The following FCAMR variants were observed in gnomAD, a reference collection of about 807,000 sequenced individuals.
FCAMR encodes the protein high affinity immunoglobulin alpha and immunoglobulin mu Fc receptor.
FCAMR carries 51 observed loss-of-function variants against 52.2 expected under a neutral mutation model. The ratio of observed to expected loss-of-function variants is 0.98; its 90% CI spans 0.78 to 1.23. The LOEUF is 1.23. Among genes scored for constraint, FCAMR ranks in the 50% most tolerant of loss-of-function variants. The probability of loss-of-function intolerance (pLI) is 0.00; values close to 1 mark genes in which losing one functional copy is unlikely to be tolerated. For missense variants in FCAMR, 719 were observed against 712.6 expected (o/e 1.01, Z -0.10); for synonymous variants, 282 against 262.0 (o/e 1.08, Z -0.74).
chr1:206,969,969 G>A (rs1292541625), intron 1 of FCAMR, 118 bp downstream of exon 1: 7 of 1,255,466 alleles, frequency 5.6e-6, no homozygotes, highest in African/African-American at 3.0e-5. Flanking sequence ...GGCCTCCTGG[G>A]AAGGAGCCCA....
Position 206,960,581 on chromosome 1 carries a change from G to T in FCAMR, c.1295C>A (p.Ala432Asp), listed in dbSNP as rs113592002. 1.9e-6 allele frequency: 3 copies of T among 1,551,086 alleles called. No individual in the cohort carries two copies. The highest frequency in any genetic ancestry group is 2.7e-5 in the African/African-American group (2 of 72,818). Residue 432 changes from alanine to aspartate, a missense_variant, in exon 6 of 8, where the codon GCT (alanine) becomes GAT (aspartate). Physicochemically the swap from Ala to Asp is moderately radical, Grantham distance 126. Coordinates refer to ENST00000324852, the MANE Select transcript of FCAMR (RefSeq NM_001170631.2). ...CTCCATGCTGGTCCACACATCTGCA[G>T]CTGGAGTTCCCAAGATCCACACATC... ...AADVWILGTP[A>D]ADVWTSMEAA...
rs747848205 is a variant in FCAMR at position 206,965,847 on chromosome 1, C to A, written c.181G>T (p.Ala61Ser). The A allele has an allele frequency of 3.1e-6, 5 of 1,605,700 alleles. No individual in the cohort carries two copies. The highest frequency in any genetic ancestry group is 1.3e-5 in the African/African-American group (1 of 74,136). ...ILCLLQGSSF[A>S]LPQKRPHPRW... ...GGATGGGGTCTTTTTTGTGGAAGGG[C>A]GAAAGAAGAACCTGCAGCAAAGGAA... The change falls in exon 4 of 8, where the codon GCC (alanine) becomes TCC (serine). Residue 61 changes from alanine (A) to serine (S), a missense_variant. Physicochemically the swap from Ala to Ser is moderately conservative, Grantham distance 99. Transcript: ENST00000324852.
chr1:206,965,814 G>A lies in FCAMR; in HGVS notation c.214C>T (p.Leu72=). The A allele has an allele frequency of 6.2e-7, 1 of 1,602,488 alleles. No individual in the cohort carries two copies. The highest frequency in any genetic ancestry group is 8.5e-7 in the Non-Finnish European group (1 of 1,175,002). The change falls in exon 4 of 8, where the codon CTG becomes TTG. Residue 72 remains leucine, a synonymous_variant. Transcript: ENST00000324852. ...LPQKRPHPRW[L]WEGSLPSRTH... is the part of the protein sequence containing the mutation. ...CTGGAGGGGAGAGAGCCCTCCCACA[G>A]CCATCTCGGATGGGGTCTTTTTTGT...
At position 206,968,223 on chromosome 1, in the gene FCAMR, C is replaced by G. The variant is rs184234764; in HGVS notation, c.40-572G>C. Among the ~76,000 whole-genome samples the G allele has an allele frequency of 1.6e-3, 239 of 152,312 alleles. 1 individual carries two copies. The highest frequency in any genetic ancestry group is 3.4e-3 in the Middle Eastern group (1 of 294). ...ACGTGGTGGCACATGCCTGTAATCC[C>G]AGCTACTGAGGAGACTGAGGCAGTA... On this transcript the variant is annotated intron_variant, in intron 1 of 7. Coordinates refer to ENST00000324852, the MANE Select transcript of FCAMR (RefSeq NM_001170631.2).
intron 2 of FCAMR, among the ~76,000 whole-genome samples, 182 bp from the exon 3 acceptor site, chr1:206,967,294 C>T (rs1680752385): frequency 6.6e-6 from 1 of 152,160 alleles, no homozygotes; most frequent in Admixed American, 6.5e-5. Flanking sequence ...TTTATCCTCA[C>T]ACTCCTAAGC....
chr1:206,958,880 C>T (rs926349722), intron 7 of FCAMR: 1 of 687,314 alleles, frequency 1.5e-6, no homozygotes. Context: ...TTAGCCTCCT[C>T]CACTTGCTGC....
chr1:206,960,605 T>C lies in FCAMR; in HGVS notation c.1271A>G (p.Asp424Gly). ...AGCTGGAGTTCCCAAGATCCACACA[T>C]CTGCAGCTGGAGTTCCCAAGGTCCA... ...GMWTLGTPAA[D>G]VWILGTPAAD... Residue 424 changes from aspartate to glycine, a missense_variant, in exon 6 of 8, where the codon GAT becomes GGT. By Grantham distance (94) the Asp-to-Gly change is moderately conservative (BLOSUM62 -1). Transcript: ENST00000324852. 6.4e-7 allele frequency: 1 copy of C among 1,551,794 alleles called. No homozygotes were observed. The highest frequency in any genetic ancestry group is 8.7e-7 in the Non-Finnish European group (1 of 1,146,982).
Position 206,970,236 on chromosome 1 carries a change from G to C in FCAMR, c.-111C>G. The C allele has an allele frequency of 2.3e-6, 3 of 1,320,856 alleles. No individual in the cohort carries two copies. The South Asian group carries it at 3.8e-5, about 17-fold the overall frequency. The allele number at this position is 1,320,856 out of a possible 1,614,324, so 81.8% of individuals were successfully genotyped here. On this transcript the variant is annotated 5_prime_UTR_variant, in exon 1 of 8. Transcript: ENST00000324852. ...AACCTGGAGACTGAGAAGTCAAGGT[G>C]GTATTTTGGAAAGCAGCTGGAGCTA... is the stretch of plus-strand genomic sequence containing the variant.
At position 206,958,487 on chromosome 1, in the gene FCAMR, G is replaced by T. The variant is rs774967998; in HGVS notation, c.*29C>A. On this transcript the variant is annotated 3_prime_UTR_variant, in exon 8 of 8. Transcript: ENST00000324852. ...CCTTTGATCTTGGTCCTTCTCCCATGGTAACTGAGCAGTTCATCTCTCTGT... is the reference window on the plus strand; with the variant it reads ...CCTTTGATCTTGGTCCTTCTCCCATTGTAACTGAGCAGTTCATCTCTCTGT... 6.3e-6 allele frequency: 10 copies of T among 1,588,452 alleles called. No individual in the cohort carries two copies. In the South Asian group the frequency reaches 1.0e-4, roughly 16 times the overall value.
intron 1 of FCAMR, among the ~76,000 whole-genome samples, chr1:206,968,513 TTCTTCCTACTC>T (rs1241698904): frequency 1.3e-5 from 2 of 152,252 alleles, no homozygotes; most frequent in African/African-American, 4.8e-5. Flanking sequence ...CGTTGAGTTT[TTCTTCCTACTC>T]TAATACGTTC....
intron 1 of FCAMR, among the ~76,000 whole-genome samples, chr1:206,968,880 C>T (rs1050886003): frequency 1.1e-4 from 16 of 152,208 alleles, no homozygotes; most frequent in African/African-American, 3.4e-4. Flanking sequence ...GCCCAGCCCT[C>T]TCCACTAAGG....
intron 5 of FCAMR, among the ~76,000 whole-genome samples, chr1:206,961,481 A>G (rs1680506122): frequency 6.6e-6 from 1 of 152,202 alleles, no homozygotes; most frequent in Non-Finnish European, 1.5e-5. Flanking sequence ...CATATTTTCT[A>G]TCCAGCTGTC....
intron 6 of FCAMR, 41 bp downstream of exon 6, chr1:206,960,381 G>A: frequency 6.8e-7 from 1 of 1,462,134 alleles, no homozygotes; most frequent in Non-Finnish European, 9.0e-7. Flanking sequence ...GGATGAGGCA[G>A]ATGTGGGGCC....
chr1:206,958,114 T>C lies in FCAMR; in HGVS notation c.*402A>G, dbSNP rs1680323229. The C allele has an allele frequency of 6.1e-6, 1 of 163,012 alleles. No homozygotes were observed. The highest frequency in any genetic ancestry group is 6.3e-5 in the Admixed American group (1 of 15,898). 10.1% of individuals were successfully genotyped at this position (163,012 alleles called of 1,614,324 possible). A position where few individuals can be genotyped will look rare whatever the true frequency, so the allele number is the denominator to read the frequency against. ...CTGGTACACTTAAATATAATACATG[T>C]GAATGGGAGGCTGAGTGCTAACAGT... On this transcript the variant is annotated 3_prime_UTR_variant, in exon 8 of 8. Coordinates refer to ENST00000324852, the MANE Select transcript of FCAMR (RefSeq NM_001170631.2).
chr1:206,965,612 G>A (rs1680671867), intron 4 of FCAMR, 103 bp downstream of exon 4: 2 of 1,345,276 alleles, frequency 1.5e-6, no homozygotes, highest in South Asian at 1.7e-5. Context: ...CTTCCATTAG[G>A]AGAGGCTAGG....
At chr1:206,962,735 G>A (rs1308744138) in intron 4 of FCAMR, among the ~76,000 whole-genome samples, 184 bp from the exon 5 acceptor site, 2 of 152,186 alleles carry the variant, frequency 1.3e-5, no homozygotes, top group African/African-American at 2.4e-5. Flanking sequence ...TTGTCCCAAG[G>A]TATGGAAGAT....
At chr1:206,958,752 C>A (rs752402633) in intron 7 of FCAMR, 76 bp from the exon 8 acceptor site, 1 of 1,580,000 alleles carries the variant, frequency 6.3e-7, no homozygotes, top group African/African-American at 1.3e-5. Flanking sequence ...GAACCACTCC[C>A]AACCACTGCA....
At chr1:206,966,545 C>T (rs901429029) in intron 3 of FCAMR, among the ~76,000 whole-genome samples, 1 of 152,020 alleles carries the variant, frequency 6.6e-6, no homozygotes, top group African/African-American at 2.4e-5. Flanking sequence ...GCCACCAGGC[C>T]CGGCTAATTT....
In FCAMR at chr1:206,958,563, G is replaced by A; in HGVS notation, c.1687C>T (p.Pro563Ser). 6.2e-7 allele frequency: 1 copy of A among 1,613,458 alleles called. No homozygotes were observed. Among genetic ancestry groups the A allele is most frequent in the African/African-American group, 1.3e-5 (1 of 75,038 alleles). The change falls in exon 8 of 8, where the codon CCT (proline) becomes TCT (serine). Residue 563 changes from proline (P) to serine (S), a missense_variant. Physicochemically the swap from Pro to Ser is moderately conservative, Grantham distance 74. Transcript: ENST00000324852. ...GGGGCAGTCAGGCTGGCCCCAGCAG[G>A]AAGAGAGTCATCCTGGAGCATCTTT... ...ERKMLQDDSLPAGASLTAPER... is the reference protein window; with the variant it reads ...ERKMLQDDSLSAGASLTAPER...
Sources: allele counts gnomAD v4.1 joint callset (sites outside exome capture counted in the v4.1 genomes callset), GRCh38; gene constraint gnomAD v4.1.1; transcripts MANE v1.5; gene names NCBI Gene and HGNC (gene_info 2026-07-23, HGNC 2026-07-21).